PRDM16: variants seen among roughly 807,000 people sequenced by gnomAD.
The protein encoded by PRDM16 is PR/SET domain 16.
PRDM16 carries 23 observed loss-of-function variants against 110.6 expected under a neutral mutation model. The observed-to-expected ratio is 0.21, with a 90% CI of 0.15 to 0.29. The LOEUF (loss-of-function observed/expected upper bound fraction) is 0.29. PRDM16 is among the 10% of genes least tolerant of loss of function. The pLI is 1.00. For synonymous variants in PRDM16, 799 were observed against 781.8 expected (o/e 1.02, Z -0.37); for missense variants, 1,615 against 1,794.3 (o/e 0.90, Z 1.81).
At chr1:3,369,998 C>T (rs1249910039) in intron 3 of PRDM16, among the ~76,000 whole-genome samples, 2 of 152,154 alleles carry the variant, frequency 1.3e-5, no homozygotes, top group Admixed American at 6.5e-5. Context: ...TCCAGCCCGG[C>T]GTGTCACAGG....
chr1:3,396,711 G>T, intron 5 of PRDM16, 118 bp downstream of exon 5: 1 of 602,206 alleles, frequency 1.7e-6, no homozygotes, highest in Non-Finnish European at 2.9e-6. Context: ...CCTAATGAGG[G>T]CCAGGCGGCC....
chr1:3,266,658 G>A (rs1640301630), intron 3 of PRDM16, among the ~76,000 whole-genome samples: 1 of 152,184 alleles, frequency 6.6e-6, no homozygotes, highest in Admixed American at 6.5e-5. Context: ...CCACGGTGGG[G>A]CATGCATTTT....
chr1:3,161,322 G>A (rs1029796460), intron 1 of PRDM16, among the ~76,000 whole-genome samples: 3 of 152,236 alleles, frequency 2.0e-5, no homozygotes, highest in African/African-American at 4.8e-5. Flanking sequence ...CCCAGAGCCG[G>A]GGAGGGTTCT....
intron 12 of PRDM16, among the ~76,000 whole-genome samples, chr1:3,419,880 G>T (rs933140279): frequency 1.4e-4 from 22 of 151,808 alleles, no homozygotes; most frequent in Admixed American, 1.3e-3. Context: ...TACCACTTAC[G>T]GGTCATCTGT....
At chr1:3,414,238 G>T (rs1159567583) in intron 9 of PRDM16, among the ~76,000 whole-genome samples, 4 of 152,240 alleles carry the variant, frequency 2.6e-5, no homozygotes, top group African/African-American at 9.6e-5. Flanking sequence ...ACCTGCAGGG[G>T]TGCTGGCAGC....
At chr1:3,260,805 A>G (rs57723640) in intron 3 of PRDM16, among the ~76,000 whole-genome samples, 1 of 15,596 alleles carries the variant, frequency 6.4e-5, no homozygotes, top group Admixed American at 6.7e-4. Flanking sequence ...GATAGTGATG[A>G]TGATACCATT....
intron 3 of PRDM16, among the ~76,000 whole-genome samples, chr1:3,379,930 G>A (rs371747413): frequency 6.2e-3 from 41 of 6,602 alleles, no homozygotes; most frequent in Admixed American, 0.014. Flanking sequence ...ACCCCTCCCA[G>A]CACACCCCTC....
rs913819173 is a variant in PRDM16 at position 3,243,890 on chromosome 1, C to T, written c.388-197C>T. On this transcript the variant is annotated intron_variant, in intron 2 of 16. Coordinates refer to ENST00000270722, the MANE Select transcript of PRDM16 (RefSeq NM_022114.4). The surrounding 1 kb of genome is among the most constrained non-coding windows in gnomAD (Gnocchi z 5.5). ...GTCCCTGGGGGGCGCTTGGAGTCCT[C>T]GGTGACTGGGGGAGCCTCTGCTGGA... Among the ~76,000 whole-genome samples, 4 of 152,042 alleles carry T rather than the reference C, an allele frequency of 2.6e-5. No homozygotes were observed. The highest frequency in any genetic ancestry group is 4.4e-5 in the Non-Finnish European group (3 of 67,998).
At chr1:3,352,365 T>G (rs931575021) in intron 3 of PRDM16, among the ~76,000 whole-genome samples, 1 of 152,018 alleles carries the variant, frequency 6.6e-6, no homozygotes, top group Non-Finnish European at 1.5e-5. Context: ...CTTTTAATTG[T>G]TTTTCTCCCC....
intron 4 of PRDM16, among the ~76,000 whole-genome samples, chr1:3,394,085 TC>T (rs1158324663): frequency 6.7e-6 from 1 of 150,184 alleles, no homozygotes; most frequent in Non-Finnish European, 1.5e-5. Context: ...CGGGGTGGGG[TC>T]CCAGGAGACA....
chr1:3,237,055 C>G (rs1047588413), intron 2 of PRDM16, among the ~76,000 whole-genome samples: 1 of 152,102 alleles, frequency 6.6e-6, no homozygotes, highest in African/African-American at 2.4e-5. Flanking sequence ...AGGAAAGACC[C>G]CCACATGCTC....
At chr1:3,089,014 C>T (rs1642213371) in intron 1 of PRDM16, among the ~76,000 whole-genome samples, 1 of 150,408 alleles carries the variant, frequency 6.6e-6, no homozygotes, top group African/African-American at 2.5e-5. Context: ...AACTTCTGAC[C>T]TCAGGTAATC....
intron 3 of PRDM16, among the ~76,000 whole-genome samples, chr1:3,306,404 C>T (rs1386808157): frequency 1.3e-5 from 2 of 152,186 alleles, no homozygotes; most frequent in African/African-American, 4.8e-5. Flanking sequence ...AAGGAGTGCA[C>T]CCCTCTCAAC....
intron 1 of PRDM16, among the ~76,000 whole-genome samples, chr1:3,164,422 C>G (rs1160092102): frequency 6.6e-6 from 1 of 152,146 alleles, no homozygotes; most frequent in Non-Finnish European, 1.5e-5. Context: ...TCGCTCGGAC[C>G]CAGGCGGGGG....
Position 3,211,960 on chromosome 1 carries a change from AG to A in PRDM16, c.387+25490del, listed in dbSNP as rs564500188. Among the ~76,000 whole-genome samples the A allele has an allele frequency of 2.3e-4, 35 of 152,286 alleles. 1 individual carries two copies. The South Asian group carries it at 7.0e-3, about 31-fold the overall frequency. On this transcript the variant is annotated intron_variant, in intron 2 of 16. Coordinates refer to ENST00000270722, the MANE Select transcript of PRDM16 (RefSeq NM_022114.4). ...GGGCAACATGGAGGAGACATGAAAG[AG>A]GGGACAATAAATAGCTTCCTACCTT...
chr1:3,086,761 G>T (rs1642161786), intron 1 of PRDM16, among the ~76,000 whole-genome samples: 1 of 152,136 alleles, frequency 6.6e-6, no homozygotes, highest in Admixed American at 6.5e-5. Context: ...CGTCTGCCGG[G>T]GCTTGCTGTC....
At chr1:3,119,462 C>A (rs1643042216) in intron 1 of PRDM16, among the ~76,000 whole-genome samples, 1 of 152,184 alleles carries the variant, frequency 6.6e-6, no homozygotes, top group African/African-American at 2.4e-5. Flanking sequence ...GGTTGGGGGA[C>A]ATGGGGGCTG....
At chr1:3,300,933 A>G (rs1008772976) in intron 3 of PRDM16, among the ~76,000 whole-genome samples, 7 of 152,148 alleles carry the variant, frequency 4.6e-5, no homozygotes. Context: ...TTTGGCACTT[A>G]TCACCTGGAA....
intron 1 of PRDM16, among the ~76,000 whole-genome samples, chr1:3,185,528 CCTGCGGCCCAAGTGCAGGGATGTCCAGG>C (rs1644257418): frequency 6.6e-6 from 1 of 151,444 alleles, no homozygotes; most frequent in Admixed American, 6.6e-5. Context: ...GGATGTCCAG[CCTGCGGCCCAAGTGCAGGGATGTCCAGG>C]CTGCAGCCCA....
Sources: allele counts gnomAD v4.1 joint callset (sites outside exome capture counted in the v4.1 genomes callset), GRCh38; gene constraint gnomAD v4.1.1; non-coding constraint Gnocchi (gnomAD v3.1); transcripts MANE v1.5; gene names NCBI Gene and HGNC (gene_info 2026-07-23, HGNC 2026-07-21).